The following SDK1 variants were observed in gnomAD, a reference collection of about 807,000 sequenced individuals.
SDK1 encodes the protein sidekick cell adhesion molecule 1, also known as protein sidekick-1.
Under a neutral mutation model 245.5 loss-of-function variants are expected in SDK1, and 157 were observed. The observed-to-expected ratio is 0.64, with a 90% CI of 0.56 to 0.73. The LOEUF is 0.73. Among genes scored for constraint, SDK1 ranks in the 30% least tolerant of loss-of-function variants. SDK1 has a pLI of 0.00. For synonymous variants in SDK1, 1,647 were observed against 1,278.5 expected (o/e 1.29, Z -6.15); for missense variants, 3,583 against 3,002.3 (o/e 1.19, Z -4.52).
intron 5 of SDK1, among the ~76,000 whole-genome samples, chr7:3,830,234 C>T (rs976506029): frequency 2.6e-5 from 4 of 152,088 alleles, no homozygotes; most frequent in East Asian, 1.9e-4. Context: ...GTTCAGCAGA[C>T]GGACGATGAG....
At chr7:3,492,949 T>G (rs1583944547) in intron 1 of SDK1, among the ~76,000 whole-genome samples, 1 of 152,290 alleles carries the variant, frequency 6.6e-6, no homozygotes, top group East Asian at 1.9e-4. Context: ...TTATTTTATT[T>G]TTTTATTTTT....
chr7:4,154,373 A>C (rs1320413198), intron 30 of SDK1, among the ~76,000 whole-genome samples: 1 of 152,202 alleles, frequency 6.6e-6, no homozygotes, highest in Non-Finnish European at 1.5e-5. Flanking sequence ...GTTTGGGATG[A>C]TTAGAAGAAA....
At chr7:3,442,903 T>G (rs929895115) in intron 1 of SDK1, among the ~76,000 whole-genome samples, 9 of 152,200 alleles carry the variant, frequency 5.9e-5, no homozygotes, top group Non-Finnish European at 1.2e-4. Context: ...CTTTTGATCT[T>G]TTCGTTTTGC....
chr7:3,829,070 C>T (rs914180826), intron 5 of SDK1, among the ~76,000 whole-genome samples: 3 of 152,098 alleles, frequency 2.0e-5, no homozygotes, highest in Non-Finnish European at 4.4e-5. Context: ...TTTAGACGTG[C>T]TTATCAAATA....
chr7:3,897,352 G>A (rs755699041), intron 5 of SDK1, among the ~76,000 whole-genome samples: 1 of 152,060 alleles, frequency 6.6e-6, no homozygotes, highest in Non-Finnish European at 1.5e-5. Context: ...ATCAAACAAT[G>A]ATTCTCATTC....
intron 1 of SDK1, among the ~76,000 whole-genome samples, chr7:3,469,565 C>A (rs944940055): frequency 6.6e-6 from 1 of 152,162 alleles, no homozygotes; most frequent in African/African-American, 2.4e-5. Flanking sequence ...CGGTTAGGGC[C>A]TATTCCTAGG....
intron 10 of SDK1, 42 bp from the exon 11 acceptor site, chr7:3,969,215 C>G (rs149203789): frequency 2.0e-6 from 3 of 1,499,106 alleles, no homozygotes; most frequent in East Asian, 2.5e-5. Context: ...TTCCTTCAAG[C>G]GTTACGACTG....
At chr7:3,587,002 G>A (rs190636950) in intron 1 of SDK1, among the ~76,000 whole-genome samples, 1 of 152,038 alleles carries the variant, frequency 6.6e-6, no homozygotes, top group Admixed American at 6.5e-5. Flanking sequence ...GCTAACTTGA[G>A]GTGGAGGAGG....
intron 28 of SDK1, among the ~76,000 whole-genome samples, chr7:4,145,372 A>T (rs1403777325): frequency 2.6e-5 from 4 of 152,078 alleles, no homozygotes; most frequent in Non-Finnish European, 4.4e-5. Context: ...AGACTGCAGG[A>T]GGGAGGGAGA....
intron 1 of SDK1, among the ~76,000 whole-genome samples, chr7:3,448,918 A>G (rs1308066429): frequency 6.6e-6 from 1 of 152,206 alleles, no homozygotes; most frequent in Non-Finnish European, 1.5e-5. Flanking sequence ...TTGCGAGCAC[A>G]GGAAGGATTA....
intron 40 of SDK1, among the ~76,000 whole-genome samples, chr7:4,228,375 A>C (rs965362736): frequency 6.6e-6 from 1 of 152,214 alleles, no homozygotes; most frequent in Non-Finnish European, 1.5e-5. Context: ...CCCTCCACAG[A>C]CATGAAGTGG....
At chr7:3,449,982 A>G (rs1780462508) in intron 1 of SDK1, among the ~76,000 whole-genome samples, 1 of 152,250 alleles carries the variant, frequency 6.6e-6, no homozygotes, top group Non-Finnish European at 1.5e-5. Flanking sequence ...TGGGGGGTCG[A>G]CGAGACTTCA....
At position 3,323,870 on chromosome 7, in the gene SDK1, C is replaced by G. The variant is rs76466276; in HGVS notation, c.298+21986C>G. 9.7e-3 allele frequency among the ~76,000 whole-genome samples: 1,470 copies of G among 152,292 alleles called. 25 individuals carry two copies. Among genetic ancestry groups the G allele is most frequent in the African/African-American group, 0.033 (1,385 of 41,566 alleles). On this transcript the variant is annotated intron_variant, in intron 1 of 44. Coordinates refer to ENST00000404826, the MANE Select transcript of SDK1 (RefSeq NM_152744.4). The stretch of plus-strand genomic sequence containing the variant: ...AGCACAGTGTTTATAGTTTATTGAT[C>G]TGTAGATAGGTTGGGTAAAGGTTCT...
At chr7:3,330,649 C>T (rs536376416) in intron 1 of SDK1, among the ~76,000 whole-genome samples, 1 of 152,078 alleles carries the variant, frequency 6.6e-6, no homozygotes, top group African/African-American at 2.4e-5. Flanking sequence ...CCTCCAGAAC[C>T]ATGAGCTATG....
rs189457252 is a variant in SDK1, at chr7:3,975,914, T to C, written c.1994+1369T>C. The stretch of plus-strand genomic sequence containing the variant: ...AGCTGCAAAGCTGCCACGTAGAGGG[T>C]CCTCCAGAGAATCACTGAGGGTCCC... On this transcript the variant is annotated intron_variant, in intron 13 of 44. Transcript: ENST00000404826. Among the ~76,000 whole-genome samples the C allele has an allele frequency of 6.9e-3, 1,013 of 146,538 alleles. 12 individuals carry two copies. The highest frequency in any genetic ancestry group is 0.01 in the Admixed American group (149 of 14,666).
At chr7:3,431,023 C>T (rs998145670) in intron 1 of SDK1, among the ~76,000 whole-genome samples, 58 of 152,298 alleles carry the variant, frequency 3.8e-4, no homozygotes, top group African/African-American at 1.4e-3. Context: ...GCCTCAGCCT[C>T]CTGAATAGCT....
chr7:3,864,951 C>G (rs1780784744), intron 5 of SDK1, among the ~76,000 whole-genome samples: 1 of 152,208 alleles, frequency 6.6e-6, no homozygotes. Flanking sequence ...GTTTAACAGA[C>G]TGTCCCATTT....
In SDK1 at chr7:3,463,808, C is replaced by G. The variant is rs117199733; in HGVS notation, c.299-155272C>G. On this transcript the variant is annotated intron_variant, in intron 1 of 44. Transcript: ENST00000404826. Reference sequence around the variant, plus strand: ...TCTGATGGCTTTTAACATGTTCCCTCCAGGACAGGCCATAGGAGGAGGGTC... The same window carrying G: ...TCTGATGGCTTTTAACATGTTCCCTGCAGGACAGGCCATAGGAGGAGGGTC... Among the ~76,000 whole-genome samples the G allele has an allele frequency of 9.8e-5, 15 of 152,292 alleles. No homozygotes were observed. In the South Asian group the frequency reaches 1.2e-3, roughly 13 times the overall value.
At chr7:4,029,501 A>T (rs963651076) in intron 17 of SDK1, among the ~76,000 whole-genome samples, 2 of 150,986 alleles carry the variant, frequency 1.3e-5, no homozygotes, top group Non-Finnish European at 2.9e-5. Context: ...GTTAGCCACT[A>T]TGCCCTGCCG....
Sources: gnomAD v4.1 joint callset for allele counts (sites outside exome capture counted in the v4.1 genomes callset) on GRCh38, gnomAD v4.1.1 for gene constraint, MANE v1.5 for transcripts, NCBI Gene and HGNC (gene_info 2026-07-23, HGNC 2026-07-21) for gene names.